The following SENP1 variants were observed in gnomAD, a reference collection of about 807,000 sequenced individuals.
SENP1 encodes the protein SUMO specific peptidase 1, also known as sentrin-specific protease 1.
Under a neutral mutation model 93.0 loss-of-function variants are expected in SENP1, and 21 were observed. That is an observed-to-expected ratio of 0.23 (90% CI 0.16 to 0.33). The LOEUF is 0.33. Among genes scored for constraint, SENP1 ranks in the 10% least tolerant of loss-of-function variants. SENP1 has a pLI of 1.00. For synonymous variants in SENP1, 256 were observed against 259.6 expected, an observed-to-expected ratio of 0.99 and a Z score of 0.13; for missense variants, 591 against 758.7, an observed-to-expected ratio of 0.78 and a Z score of 2.60.
intron 4 of SENP1, among the ~76,000 whole-genome samples, chr12:48,089,825 T>A (rs969217675): frequency 6.6e-6 from 1 of 152,232 alleles, no homozygotes; most frequent in Non-Finnish European, 1.5e-5. Flanking sequence ...TCTCTATTTC[T>A]GGAATTTTTT....
At chr12:48,056,012 A>G (rs548255239) in intron 13 of SENP1, among the ~76,000 whole-genome samples, 44 of 129,432 alleles carry the variant, frequency 3.4e-4, no homozygotes, top group Non-Finnish European at 5.7e-4. Flanking sequence ...ATATATTTTA[A>G]TATATAACTT....
At chr12:48,102,431 C>CA (rs57161608) in intron 1 of SENP1, among the ~76,000 whole-genome samples, 2,227 of 45,926 alleles carry the variant, frequency 0.048, 73 homozygotes, top group African/African-American at 0.11. Flanking sequence ...GACTCTGTCT[C>CA]AAAAAAAAAA....
At chr12:48,051,830 T>C (rs1941842207) in intron 13 of SENP1, among the ~76,000 whole-genome samples, 1 of 144,990 alleles carries the variant, frequency 6.9e-6, no homozygotes, top group Admixed American at 7.4e-5. Flanking sequence ...AGATCCTAAA[T>C]TCCCTTTGAA....
chr12:48,049,550 G>A lies in SENP1; in HGVS notation c.1408-418C>T, dbSNP rs755161663. Reference sequence around the variant, plus strand: ...TGTGTGAGCAATTTAAGTAGATACTGAGCTCAGTTAGCGCCTAGTGTTAGT... The same window carrying A: ...TGTGTGAGCAATTTAAGTAGATACTAAGCTCAGTTAGCGCCTAGTGTTAGT... On this transcript the variant is annotated intron_variant, in intron 13 of 17. Transcript: ENST00000549518. 2.6e-5 allele frequency among the ~76,000 whole-genome samples: 4 copies of A among 152,172 alleles called. No homozygotes were observed. In the East Asian group the frequency reaches 5.8e-4, roughly 22 times the overall value.
chr12:48,084,362 T>C (rs1944686428), intron 5 of SENP1, among the ~76,000 whole-genome samples: 1 of 151,990 alleles, frequency 6.6e-6, no homozygotes, highest in African/African-American at 2.4e-5. Context: ...CTTTATACTA[T>C]CTAATGGGAA....
At chr12:48,047,379 T>A (rs928306636) in intron 15 of SENP1, among the ~76,000 whole-genome samples, 5 of 152,238 alleles carry the variant, frequency 3.3e-5, no homozygotes, top group African/African-American at 1.2e-4. Context: ...CCTTGGTTTA[T>A]ATGGTCCTTT....
intron 15 of SENP1, among the ~76,000 whole-genome samples, chr12:48,047,283 C>A (rs1292808696): frequency 1.3e-5 from 2 of 152,206 alleles, no homozygotes; most frequent in African/African-American, 2.4e-5. Flanking sequence ...ACTCTGTCAA[C>A]TCAAAAGGAA....
intron 1 of SENP1, among the ~76,000 whole-genome samples, chr12:48,102,608 A>G (rs1358445830): frequency 6.6e-6 from 1 of 151,930 alleles, no homozygotes; most frequent in Non-Finnish European, 1.5e-5. Flanking sequence ...CATATTTTTA[A>G]AAAATATTAA....
chr12:48,087,139 A>G (rs1944931158), intron 5 of SENP1, among the ~76,000 whole-genome samples: 1 of 152,200 alleles, frequency 6.6e-6, no homozygotes, highest in African/African-American at 2.4e-5. Flanking sequence ...GCAAAACTAA[A>G]CTAACTATAA....
chr12:48,065,133 C>A lies in SENP1; in HGVS notation c.1207G>T (p.Val403Phe). 1.2e-6 allele frequency: 2 copies of A among 1,607,926 alleles called. No individual in the cohort carries two copies. Among genetic ancestry groups the A allele is most frequent in the Non-Finnish European group, 1.7e-6 (2 of 1,174,648 alleles). The change falls in exon 12 of 18, where the codon GTC (valine) becomes TTC (phenylalanine). Residue 403 changes from valine to phenylalanine, a missense_variant. This residue lies in a region of SENP1 where 238 missense variants were observed against 259.1 expected (regional missense o/e 0.92). Transcript: ENST00000549518. ...TGACCTTTTTTTTGTGTTTCTTGGACAACAGTAACAGGAATCTCCTTTTCA... is the reference window on the plus strand; with the variant it reads ...TGACCTTTTTTTTGTGTTTCTTGGAAAACAGTAACAGGAATCTCCTTTTCA... ...PLEKEIPVTV[V>F]QETQKKGHKL...
chr12:48,056,039 TATAA>T (rs1437308559), intron 13 of SENP1, among the ~76,000 whole-genome samples: 89 of 126,928 alleles, frequency 7.0e-4, no homozygotes, highest in Admixed American at 5.6e-3. Flanking sequence ...CTTAATATAG[TATAA>T]ATATATACTG....
At chr12:48,058,256 T>A (rs2136905370) in intron 13 of SENP1, among the ~76,000 whole-genome samples, 1 of 152,294 alleles carries the variant, frequency 6.6e-6, no homozygotes, top group Non-Finnish European at 1.5e-5. Context: ...CATTTTACTT[T>A]TTTAAAAGTA....
At chr12:48,083,512 A>G in intron 6 of SENP1, 79 bp downstream of exon 6, 1 of 1,130,214 alleles carries the variant, frequency 8.8e-7, no homozygotes, top group Non-Finnish European at 1.3e-6. Context: ...TTAAACAACT[A>G]ATTATTAATA....
rs1944899837 is a variant in SENP1, at chr12:48,086,842, T to C, written c.380+1959A>G. Reference sequence around the variant, plus strand: ...GATCACAAGGTCTGGAGTTCGAGACTAGCCTTGCTAATATGGCGAAATGCC... The same window carrying C: ...GATCACAAGGTCTGGAGTTCGAGACCAGCCTTGCTAATATGGCGAAATGCC... On this transcript the variant is annotated intron_variant, in intron 5 of 17. Coordinates refer to ENST00000549518, the MANE Select transcript of SENP1 (RefSeq NM_001267594.2). Among the ~76,000 whole-genome samples, 6 of 152,244 alleles carry C rather than the reference T, an allele frequency of 3.9e-5. No individual in the cohort carries two copies. In the South Asian group the frequency reaches 1.2e-3, roughly 32 times the overall value.
intron 9 of SENP1, 117 bp from the exon 10 acceptor site, chr12:48,067,082 G>A: frequency 2.9e-6 from 2 of 682,724 alleles, no homozygotes; most frequent in South Asian, 1.8e-5. Context: ...TTACAAGTAT[G>A]GAATAAGTAA....
chr12:48,072,968 G>A (rs1273010029), intron 8 of SENP1, among the ~76,000 whole-genome samples: 1 of 151,982 alleles, frequency 6.6e-6, no homozygotes, highest in Non-Finnish European at 1.5e-5. Flanking sequence ...GTGAAAGAAG[G>A]GGTGGGGGAA....
rs373291017 is a variant in SENP1, at chr12:48,065,310, A to G, written c.1120-90T>C. The G allele has an allele frequency of 5.4e-4, 596 of 1,097,974 alleles. 2 individuals are homozygous for G. The Middle Eastern group carries it at 5.5e-3, about 10-fold the overall frequency. 68.0% of individuals were successfully genotyped at this position (1,097,974 alleles called of 1,614,324 possible). On this transcript the variant is annotated intron_variant, in intron 11 of 17. Transcript: ENST00000549518. ...AGGGTTATGTCCCAATAAACCTGTC[A>G]TAAGTCAAAGAGCGTGCTTAAATGC... is the stretch of plus-strand genomic sequence containing the variant.
chr12:48,083,656 A>T lies in SENP1; in HGVS notation c.487T>A (p.Ser163Thr). 1 of 1,613,816 alleles carries T rather than the reference A, an allele frequency of 6.2e-7. No individual in the cohort carries two copies. Among genetic ancestry groups the T allele is most frequent in the South Asian group, 1.1e-5 (1 of 91,072 alleles). ...GGGCTCAAAAGACTTCGACGACATG[A>T]ACCACTCCAAGATGGACTTGGAACA... ...KPVPSPSWSGSCRRSLLSPKK... is the reference protein window; with the variant it reads ...KPVPSPSWSGTCRRSLLSPKK... Residue 163 changes from serine to threonine, a missense_variant, in exon 6 of 18, where the codon TCA becomes ACA. Around this residue, in one of 4 missense-constraint regions of SENP1, gnomAD observed 214 missense variants for 243.4 expected, o/e 0.88. Coordinates refer to ENST00000549518, the MANE Select transcript of SENP1 (RefSeq NM_001267594.2).
intron 6 of SENP1, among the ~76,000 whole-genome samples, chr12:48,079,825 ACTC>A (rs1387918920): frequency 3.3e-5 from 5 of 152,290 alleles, no homozygotes; most frequent in African/African-American, 2.4e-5. Context: ...TATAAATAAT[ACTC>A]CTAATTTTCA....
Sources: gnomAD v4.1 joint callset for allele counts (sites outside exome capture counted in the v4.1 genomes callset) on GRCh38, gnomAD v4.1.1 for gene constraint, gnomAD v4.1.1 regional missense constraint, MANE v1.5 for transcripts, NCBI Gene and HGNC (gene_info 2026-07-23, HGNC 2026-07-21) for gene names.